DCAF5: variants seen among roughly 807,000 people sequenced by gnomAD.
DCAF5 encodes DDB1- and CUL4-associated factor 5.
DCAF5 carries 9 observed loss-of-function variants against 80.7 expected under a neutral mutation model. The ratio of observed to expected loss-of-function variants is 0.11; its 90% CI spans 0.07 to 0.19. The LOEUF is 0.19. Ranked by LOEUF, DCAF5 falls within the 10% of genes least tolerant of loss-of-function variation. The probability of loss-of-function intolerance (pLI) is 1.00; values close to 1 mark genes in which losing one functional copy is unlikely to be tolerated. For missense variants in DCAF5, 842 were observed against 1,205.7 expected, an observed-to-expected ratio of 0.70 and a Z score of 4.47; for synonymous variants, 433 against 461.9, an observed-to-expected ratio of 0.94 and a Z score of 0.80.
intron 4 of DCAF5, 116 bp from the exon 5 acceptor site, chr14:69,116,611 C>A: frequency 7.8e-7 from 1 of 1,279,252 alleles, no homozygotes; most frequent in Non-Finnish European, 1.1e-6. Context: ...CTCCAACGGC[C>A]TGGAGCCCCA....
At chr14:69,097,965 C>T (rs1416995865) in intron 5 of DCAF5, among the ~76,000 whole-genome samples, 1 of 152,140 alleles carries the variant, frequency 6.6e-6, no homozygotes, top group Non-Finnish European at 1.5e-5. Flanking sequence ...TTATCCTTAA[C>T]AAAGCAGCCA....
chr14:69,084,514 G>T (rs2039242500), intron 6 of DCAF5: 2 of 765,648 alleles, frequency 2.6e-6, no homozygotes, highest in Non-Finnish European at 4.6e-6. Flanking sequence ...GGATTTCTCT[G>T]AAAAAGGAGC....
chr14:69,141,827 A>G (rs140051016), intron 1 of DCAF5, among the ~76,000 whole-genome samples: 2 of 152,330 alleles, frequency 1.3e-5, no homozygotes, highest in African/African-American at 2.4e-5. Context: ...TGGATCCATT[A>G]TAAACCTGTC....
chr14:69,099,368 C>A (rs1388261352), intron 5 of DCAF5, among the ~76,000 whole-genome samples: 2 of 150,532 alleles, frequency 1.3e-5, no homozygotes, highest in Non-Finnish European at 2.9e-5. Context: ...CCCATGAAAC[C>A]TGATCTCGAG....
chr14:69,132,708 A>C (rs968110758), intron 1 of DCAF5, among the ~76,000 whole-genome samples: 6 of 151,216 alleles, frequency 4.0e-5, no homozygotes, highest in African/African-American at 1.5e-4. Flanking sequence ...GAGGTGATAT[A>C]ATGTGGGGCA....
At chr14:69,098,567 T>C (rs1043837730) in intron 5 of DCAF5, among the ~76,000 whole-genome samples, 2 of 152,006 alleles carry the variant, frequency 1.3e-5, no homozygotes, top group African/African-American at 4.8e-5. Context: ...AACAATCTAA[T>C]AGATCATAAG....
rs1011752683 is a variant in DCAF5, at chr14:69,152,650, G to A, written c.214+115C>T. On this transcript the variant is annotated intron_variant, in intron 1 of 8. Coordinates refer to ENST00000341516, the MANE Select transcript of DCAF5 (RefSeq NM_003861.3). This position sits in a 1 kb window ranked among gnomAD's most constrained non-coding sequence, Gnocchi z 4.1. ...CCAAACCTTCCCACCGCAGAAGGGG[G>A]TAGAGAAAGGGAGGGGGTGGGGACA... The A allele has an allele frequency of 9.7e-6, 7 of 722,304 alleles. No homozygotes were observed. The Admixed American group carries it at 1.0e-4, about 11-fold the overall frequency. The allele number at this position is 722,304 out of a possible 1,614,324, so 44.7% of individuals were successfully genotyped here.
intron 5 of DCAF5, among the ~76,000 whole-genome samples, chr14:69,109,948 G>A (rs1156962552): frequency 6.6e-6 from 1 of 152,136 alleles, no homozygotes; most frequent in South Asian, 2.1e-4. Context: ...ATGTATGAGT[G>A]TTTCAGTTGG....
intron 1 of DCAF5, among the ~76,000 whole-genome samples, chr14:69,135,297 T>C (rs1260031650): frequency 6.6e-6 from 1 of 152,214 alleles, no homozygotes; most frequent in African/African-American, 2.4e-5. Context: ...GTGTATTCTT[T>C]AACTGCCACT....
At chr14:69,059,854 T>C (rs1056658841) in intron 8 of DCAF5, among the ~76,000 whole-genome samples, 5 of 152,208 alleles carry the variant, frequency 3.3e-5, no homozygotes, top group Non-Finnish European at 7.4e-5. Flanking sequence ...TCAGATCCCA[T>C]GCAAACTAGG....
rs756284308 is a variant in DCAF5, at chr14:69,118,497, T to A, written c.396-219A>T. ...GTCTTTTTAGAGATTTTATAATTTT[T>A]GTGCTAAATAAGCATATTTAAAAGT... On this transcript the variant is annotated intron_variant, in intron 3 of 8. Transcript: ENST00000341516. This position sits in a 1 kb window ranked among gnomAD's most constrained non-coding sequence, Gnocchi z 4.0. Among the ~76,000 whole-genome samples, 1 of 152,242 alleles carries A rather than the reference T, an allele frequency of 6.6e-6. No individual in the cohort carries two copies. Among genetic ancestry groups the A allele is most frequent in the Non-Finnish European group, 1.5e-5 (1 of 68,046 alleles).
At chr14:69,075,145 A>C (rs1446779516) in intron 7 of DCAF5, among the ~76,000 whole-genome samples, 200 bp downstream of exon 7, 2 of 152,166 alleles carry the variant, frequency 1.3e-5, no homozygotes, top group African/African-American at 4.8e-5. Context: ...AAATCTAAGC[A>C]TCATTTATGT....
intron 2 of DCAF5, 74 bp from the exon 3 acceptor site, chr14:69,119,304 TAA>T: frequency 1.3e-6 from 2 of 1,517,160 alleles, no homozygotes; most frequent in Non-Finnish European, 1.8e-6. Context: ...TTAGTATTTT[TAA>T]GTTTTCAGGG....
chr14:69,116,679 C>T (rs1413334580), intron 4 of DCAF5, among the ~76,000 whole-genome samples, 184 bp from the exon 5 acceptor site: 1 of 152,180 alleles, frequency 6.6e-6, no homozygotes, highest in Non-Finnish European at 1.5e-5. Context: ...GAGTCCTATA[C>T]ATAGCAAGGT....
At chr14:69,139,398 G>C (rs1043883099) in intron 1 of DCAF5, among the ~76,000 whole-genome samples, 3 of 152,096 alleles carry the variant, frequency 2.0e-5, no homozygotes, top group African/African-American at 7.2e-5. Context: ...TACTTGGGAG[G>C]CTGAGGCAGG....
intron 6 of DCAF5, among the ~76,000 whole-genome samples, chr14:69,081,871 T>A (rs959173437): frequency 6.6e-6 from 1 of 152,180 alleles, no homozygotes; most frequent in Non-Finnish European, 1.5e-5. Flanking sequence ...TGAGTACTGA[T>A]CAACTTACCC....
intron 5 of DCAF5, among the ~76,000 whole-genome samples, chr14:69,113,362 C>A (rs2040435158): frequency 6.6e-6 from 1 of 152,140 alleles, no homozygotes; most frequent in Non-Finnish European, 1.5e-5. Flanking sequence ...GTAATCAGAA[C>A]ACCAAGCAAC....
chr14:69,085,897 G>A (rs1268893745), intron 6 of DCAF5, among the ~76,000 whole-genome samples: 2 of 152,182 alleles, frequency 1.3e-5, no homozygotes, highest in African/African-American at 4.8e-5. Context: ...CTATAACACA[G>A]TGGGCAGCAT....
At chr14:69,150,340 T>C (rs1012196684) in intron 1 of DCAF5, among the ~76,000 whole-genome samples, 2 of 152,036 alleles carry the variant, frequency 1.3e-5, no homozygotes, top group African/African-American at 4.8e-5. Flanking sequence ...AGGAAATAAA[T>C]ACCCAGAATC....
Sources: gnomAD v4.1 joint callset for allele counts (sites outside exome capture counted in the v4.1 genomes callset) on GRCh38, gnomAD v4.1.1 for gene constraint, Gnocchi (gnomAD v3.1) non-coding constraint, MANE v1.5 for transcripts, NCBI Gene and HGNC (gene_info 2026-07-23, HGNC 2026-07-21) for gene names.